Variants in UBE2D1 observed in about 807,000 individuals in gnomAD.
The protein encoded by UBE2D1 is ubiquitin-conjugating enzyme E2 D1.
UBE2D1 carries 9 observed loss-of-function variants against 24.6 expected under a neutral mutation model. The observed-to-expected ratio is 0.37, with a 90% confidence interval of 0.22 to 0.64. The LOEUF (loss-of-function observed/expected upper bound fraction) is 0.64, where lower values mean the gene tolerates loss of function less well. Ranked by LOEUF, UBE2D1 falls within the 30% of genes least tolerant of loss-of-function variation. The pLI is 0.64. For missense variants in UBE2D1, 87 were observed against 177.1 expected (o/e 0.49, Z 2.89); for synonymous variants, 57 against 57.6 (o/e 0.99, Z 0.04).
At chr10:58,361,204 A>G (rs1411101774) in intron 1 of UBE2D1, 134 bp from the exon 2 acceptor site, 2 of 868,480 alleles carry the variant, frequency 2.3e-6, no homozygotes, top group East Asian at 5.3e-5. Context: ...ACAGAGTACA[A>G]TTTATGTTTT....
intron 1 of UBE2D1, among the ~76,000 whole-genome samples, chr10:58,360,152 C>T (rs1840178371): frequency 2.6e-5 from 4 of 152,148 alleles, no homozygotes; most frequent in Admixed American, 2.6e-4. Flanking sequence ...CCCACATTTC[C>T]AGCCTCATCC....
At chr10:58,360,792 T>C (rs1840187341) in intron 1 of UBE2D1, 2 of 312,856 alleles carry the variant, frequency 6.4e-6, no homozygotes, top group Middle Eastern at 1.2e-3. Flanking sequence ...CACATGCCTG[T>C]AGTGCCAGCT....
At chr10:58,359,032 A>AG (rs1840165262) in intron 1 of UBE2D1, among the ~76,000 whole-genome samples, 1 of 150,002 alleles carries the variant, frequency 6.7e-6, no homozygotes, top group African/African-American at 2.4e-5. Context: ...AAAAAAAAAA[A>AG]GCAAAACAAA....
intron 1 of UBE2D1, chr10:58,360,948 G>A (rs1400626404): frequency 4.4e-6 from 2 of 456,120 alleles, no homozygotes; most frequent in African/African-American, 2.0e-5. Flanking sequence ...TTATCCTGAA[G>A]TATTATTCTT....
intron 1 of UBE2D1, among the ~76,000 whole-genome samples, chr10:58,351,496 T>TCA (rs1411362314): frequency 6.6e-6 from 1 of 152,176 alleles, no homozygotes; most frequent in Admixed American, 6.5e-5. Flanking sequence ...ATACTCAGTA[T>TCA]CACTGTCTTC....
At chr10:58,360,921 C>CAA (rs72051070) in intron 1 of UBE2D1, 341 of 392,184 alleles carry the variant, frequency 8.7e-4, no homozygotes, top group East Asian at 1.4e-3. Flanking sequence ...GATCCTGTCT[C>CAA]AAAAAAAAAA....
chr10:58,361,537 T>A lies in UBE2D1; in HGVS notation c.120+11T>A, dbSNP rs1388515846. The A allele has an allele frequency of 2.5e-6, 4 of 1,613,960 alleles. No individual in the cohort carries two copies. The African/African-American group carries it at 5.3e-5, about 22-fold the overall frequency. On this transcript the variant is annotated intron_variant, in intron 3 of 6. Coordinates refer to ENST00000373910, the MANE Select transcript of UBE2D1 (RefSeq NM_003338.5). ...ACTATTATGGGGCCTGTAAGTATGA[T>A]TCATATCTATGAAATTAACCCCCTC...
rs542778950 is a variant in UBE2D1, at chr10:58,370,029, G to A, written c.*1264G>A. 4 of 150,274 alleles carry A rather than the reference G, an allele frequency of 2.7e-5. No individual in the cohort carries two copies. In the East Asian group the frequency reaches 5.8e-4, roughly 22 times the overall value. 9.3% of individuals were successfully genotyped at this position (150,274 alleles called of 1,614,324 possible). On this transcript the variant is annotated 3_prime_UTR_variant, in exon 7 of 7. Transcript: ENST00000373910. ...TAGAATTTCTAAAATGGAATTTAAT[G>A]CCATCACAATTTGAAAAACTTTTTT...
Position 58,360,901 on chromosome 10 carries a change from G to A in UBE2D1, c.25-437G>A, listed in dbSNP as rs184468046. ...CGTGCCACTGCACTCCATCCTGGGC[G>A]ACAAAGTGAGATCCTGTCTCAAAAA... On this transcript the variant is annotated intron_variant, in intron 1 of 6. Transcript: ENST00000373910. The A allele has an allele frequency of 1.2e-3, 529 of 438,108 alleles. 7 individuals are homozygous for A. The Admixed American group carries it at 0.012, about 10-fold the overall frequency. The allele number at this position is 438,108 out of a possible 1,614,324, so 27.1% of individuals were successfully genotyped here. A position where few individuals can be genotyped will look rare whatever the true frequency, so the allele number is the denominator to read the frequency against.
chr10:58,366,793 G>A (rs11818745), intron 5 of UBE2D1, among the ~76,000 whole-genome samples: 22,523 of 151,904 alleles, frequency 0.15, 2,157 homozygotes, highest in Non-Finnish European at 0.22. Flanking sequence ...GTGTTGCCCA[G>A]GCTGGTCTCG....
intron 1 of UBE2D1, among the ~76,000 whole-genome samples, chr10:58,339,012 G>T (rs530923683): frequency 6.6e-6 from 1 of 152,280 alleles, no homozygotes; most frequent in South Asian, 2.1e-4. Context: ...TTGATTTGTA[G>T]AATTTTATGT....
chr10:58,365,528 G>A (rs1270373160), intron 5 of UBE2D1, among the ~76,000 whole-genome samples: 2 of 152,180 alleles, frequency 1.3e-5, no homozygotes, highest in Non-Finnish European at 2.9e-5. Context: ...ATAATCAGTA[G>A]CATCATTATA....
In UBE2D1 at chr10:58,364,750, GTTGTT is replaced by G. The variant is rs749063160; in HGVS notation, c.199-13_199-9del. The G allele has an allele frequency of 2.8e-5, 43 of 1,560,852 alleles. No individual in the cohort carries two copies. In the African/African-American group the frequency reaches 4.6e-4, roughly 17 times the overall value. On this transcript the variant is annotated splice_polypyrimidine_tract_variant and intron_variant, in intron 4 of 6. Transcript: ENST00000373910. ...GATTCAAAGGTGATTGTCATATTTT[GTTGTT>G]TTGTTTTATGTTTAGATTGCTTTCA...
chr10:58,355,443 G>A lies in UBE2D1; in HGVS notation c.25-5895G>A, dbSNP rs528127168. 5.3e-5 allele frequency among the ~76,000 whole-genome samples: 8 copies of A among 152,270 alleles called. No homozygotes were observed. In the East Asian group the frequency reaches 1.5e-3, roughly 29 times the overall value. The stretch of plus-strand genomic sequence containing the variant: ...AAGCAGTTACAATTGAACTGTAATT[G>A]ATATTTGAGGTAACTGTGGGAAGCA... On this transcript the variant is annotated intron_variant, in intron 1 of 6. Coordinates refer to ENST00000373910, the MANE Select transcript of UBE2D1 (RefSeq NM_003338.5).
intron 1 of UBE2D1, among the ~76,000 whole-genome samples, chr10:58,356,350 TTG>T (rs1466387724): frequency 1.3e-5 from 2 of 152,144 alleles, no homozygotes; most frequent in African/African-American, 4.8e-5. Context: ...GTCCTGTAAC[TTG>T]TGTTTTTCAT....
At position 58,368,451 on chromosome 10, in the gene UBE2D1, G is replaced by C. The variant is rs572641774; in HGVS notation, c.399-269G>C. On this transcript the variant is annotated intron_variant, in intron 6 of 6. Transcript: ENST00000373910. ...TAATGCTCCTTCAGGATTGGCTTTT[G>C]TAAATTTCTGTTAGAAGCTGGTTTC... 5 of 296,766 alleles carry C rather than the reference G, an allele frequency of 1.7e-5. No individual in the cohort carries two copies. The South Asian group carries it at 4.6e-4, about 28-fold the overall frequency. 18.4% of individuals were successfully genotyped at this position (296,766 alleles called of 1,614,324 possible).
Position 58,361,379 on chromosome 10 carries a change from A to G in UBE2D1, c.66A>G (p.Ser22=), listed in dbSNP as rs759280904. The G allele has an allele frequency of 3.1e-6, 5 of 1,614,202 alleles. No individual in the cohort carries two copies. In the East Asian group the frequency reaches 1.1e-4, roughly 36 times the overall value. The change falls in exon 2 of 7, where the codon TCA becomes TCG. Residue 22 remains serine (S), a synonymous_variant. Coordinates refer to ENST00000373910, the MANE Select transcript of UBE2D1 (RefSeq NM_003338.5). The part of the protein sequence containing the change: ...DLQRDPPAHC[S]AGPVGDDLFH... Reference sequence around the variant, plus strand: ...AGCGCGATCCACCTGCTCACTGTTCAGCTGGACCTGTGGGAGATGACTGTA... The same window carrying G: ...AGCGCGATCCACCTGCTCACTGTTCGGCTGGACCTGTGGGAGATGACTGTA...
chr10:58,355,471 G>A (rs866862993), intron 1 of UBE2D1, among the ~76,000 whole-genome samples: 5 of 152,156 alleles, frequency 3.3e-5, no homozygotes, highest in African/African-American at 7.2e-5. Flanking sequence ...GGGAAGCAAC[G>A]TAATGGGTTT....
chr10:58,343,674 T>C (rs1023629136), intron 1 of UBE2D1, among the ~76,000 whole-genome samples: 1 of 152,180 alleles, frequency 6.6e-6, no homozygotes, highest in Non-Finnish European at 1.5e-5. Flanking sequence ...ACCGTATGCA[T>C]TGTTTTCTTC....
Sources: allele counts gnomAD v4.1 joint callset (sites outside exome capture counted in the v4.1 genomes callset), GRCh38; gene constraint gnomAD v4.1.1; transcripts MANE v1.5; gene names NCBI Gene and HGNC (gene_info 2026-07-23, HGNC 2026-07-21).